The following KCNQ3 variants were observed in gnomAD, a reference collection of about 807,000 sequenced individuals.
KCNQ3 encodes the protein potassium voltage-gated channel subfamily Q member 3.
In KCNQ3, 30 loss-of-function variants were observed where a neutral mutation model predicts 92.5. The observed-to-expected ratio is 0.32, with a 90% CI of 0.24 to 0.44. KCNQ3 has a LOEUF of 0.44. Ranked by LOEUF, KCNQ3 falls within the 20% of genes least tolerant of loss-of-function variation. The pLI is 1.00. For missense variants in KCNQ3, 913 were observed against 1,140.3 expected, an observed-to-expected ratio of 0.80 and a Z score of 2.87; for synonymous variants, 450 against 468.8, an observed-to-expected ratio of 0.96 and a Z score of 0.52.
chr8:132,480,028 C>T, intron 1 of KCNQ3, 119 bp downstream of exon 1: 1 of 958,866 alleles, frequency 1.0e-6, no homozygotes, highest in Non-Finnish European at 1.6e-6. Flanking sequence ...GGCTGGTCTC[C>T]CCTTCAGCGG....
intron 1 of KCNQ3, among the ~76,000 whole-genome samples, chr8:132,386,136 T>C (rs993275420): frequency 2.0e-5 from 3 of 152,090 alleles, no homozygotes; most frequent in African/African-American, 7.2e-5. Flanking sequence ...AAGCATACTC[T>C]CCTGATTGGA....
At chr8:132,269,048 G>A (rs1446524606) in intron 1 of KCNQ3, among the ~76,000 whole-genome samples, 2 of 152,064 alleles carry the variant, frequency 1.3e-5, no homozygotes, top group African/African-American at 4.8e-5. Flanking sequence ...TCTTTGGTGA[G>A]GTGTCTATTA....
intron 8 of KCNQ3, among the ~76,000 whole-genome samples, chr8:132,167,378 T>C (rs1826173119): frequency 6.6e-6 from 1 of 152,210 alleles, no homozygotes; most frequent in Non-Finnish European, 1.5e-5. Flanking sequence ...TTTGTGAATA[T>C]ACTCAAAACC....
chr8:132,436,067 G>A (rs1363099480), intron 1 of KCNQ3, among the ~76,000 whole-genome samples: 1 of 152,126 alleles, frequency 6.6e-6, no homozygotes, highest in African/African-American at 2.4e-5. Flanking sequence ...TTCATTCCAG[G>A]AAAAGCATTA....
At chr8:132,138,128 G>A (rs1825167032) in intron 11 of KCNQ3, 112 bp from the exon 12 acceptor site, 1 of 1,289,240 alleles carries the variant, frequency 7.8e-7, no homozygotes, top group African/African-American at 1.5e-5. Flanking sequence ...AGATAAAAGA[G>A]CTTGCTGGAA....
In KCNQ3 at chr8:132,186,931, T is replaced by TGAGAGAGA. The variant is rs1420781543; in HGVS notation, c.387-751_387-750insTCTCTCTC. Among the ~76,000 whole-genome samples, 293 of 110,224 alleles carry TGAGAGAGA rather than the reference T, an allele frequency of 2.7e-3. 1 individual carries two copies. The highest frequency in any genetic ancestry group is 6.5e-3 in the African/African-American group (169 of 25,918). 72.3% of individuals were successfully genotyped at this position (110,224 alleles called of 152,430 possible). A position where few individuals can be genotyped will look rare whatever the true frequency, so the allele number is the denominator to read the frequency against. On this transcript the variant is annotated intron_variant, in intron 1 of 14. Transcript: ENST00000388996. ...GCGTGTGTGTGTGTGTGTGTGTGTGTGTGAGAGAGAGAGAGAGAGAGAGAC... is the reference window on the plus strand; with the variant it reads ...GCGTGTGTGTGTGTGTGTGTGTGTGTGAGAGAGAGTGAGAGAGAGAGAGAGAGAGAGAC...
intron 1 of KCNQ3, among the ~76,000 whole-genome samples, chr8:132,409,013 T>G (rs1440476142): frequency 1.3e-5 from 2 of 152,342 alleles, no homozygotes; most frequent in South Asian, 4.1e-4. Flanking sequence ...ACAGAACTTG[T>G]AAGATAATAA....
At chr8:132,331,917 G>C (rs1003139619) in intron 1 of KCNQ3, among the ~76,000 whole-genome samples, 3 of 152,244 alleles carry the variant, frequency 2.0e-5, no homozygotes, top group African/African-American at 7.2e-5. Context: ...ATGCCAGTCA[G>C]AAGTTCTGTG....
At chr8:132,274,420 A>T (rs1396153925) in intron 1 of KCNQ3, among the ~76,000 whole-genome samples, 1 of 152,180 alleles carries the variant, frequency 6.6e-6, no homozygotes, top group African/African-American at 2.4e-5. Context: ...ACACGTGGGA[A>T]TTGTGGGAGT....
At chr8:132,341,623 C>T (rs1563868754) in intron 1 of KCNQ3, among the ~76,000 whole-genome samples, 2 of 152,176 alleles carry the variant, frequency 1.3e-5, no homozygotes, top group Non-Finnish European at 1.5e-5. Context: ...ACAATGAAAA[C>T]ATGCACAACT....
intron 1 of KCNQ3, among the ~76,000 whole-genome samples, chr8:132,197,583 A>G (rs900715629): frequency 1.3e-5 from 2 of 152,212 alleles, no homozygotes; most frequent in African/African-American, 4.8e-5. Context: ...AAGCAAGAAG[A>G]GAGAAACAGT....
At chr8:132,179,292 TGGAAAA>T (rs1237137552) in intron 4 of KCNQ3, among the ~76,000 whole-genome samples, 2 of 151,962 alleles carry the variant, frequency 1.3e-5, no homozygotes, top group Non-Finnish European at 2.9e-5. Context: ...CGTGGGACTC[TGGAAAA>T]GGAATGGACT....
chr8:132,210,080 G>C (rs1354089572), intron 1 of KCNQ3, among the ~76,000 whole-genome samples: 2 of 152,206 alleles, frequency 1.3e-5, no homozygotes, highest in African/African-American at 4.8e-5. Context: ...TGCAAAGCTA[G>C]CTGTGAATTA....
chr8:132,235,366 G>A (rs1162332294), intron 1 of KCNQ3, among the ~76,000 whole-genome samples: 2 of 152,174 alleles, frequency 1.3e-5, no homozygotes, highest in African/African-American at 4.8e-5. Context: ...AGCTGGGCGT[G>A]GTGGCAGGTG....
rs143527485 is a variant in KCNQ3, at chr8:132,196,845, G to T, written c.387-10664C>A. 3.4e-3 allele frequency among the ~76,000 whole-genome samples: 518 copies of T among 152,208 alleles called. 3 individuals are homozygous for T. Among genetic ancestry groups the T allele is most frequent in the African/African-American group, 0.012 (500 of 41,518 alleles). On this transcript the variant is annotated intron_variant, in intron 1 of 14. Transcript: ENST00000388996. ...TCAGCTTTGCCACTTAGCACCTAAG[G>T]GATTGTTTCCTCATCTGTAAATAGG...
At chr8:132,259,433 C>A (rs1426067009) in intron 1 of KCNQ3, among the ~76,000 whole-genome samples, 1 of 152,066 alleles carries the variant, frequency 6.6e-6, no homozygotes, top group Non-Finnish European at 1.5e-5. Flanking sequence ...AGAAAAAGCA[C>A]TGACAAAACA....
At chr8:132,136,862 C>CTTTTTT (rs34845943) in intron 12 of KCNQ3, among the ~76,000 whole-genome samples, 1 of 123,366 alleles carries the variant, frequency 8.1e-6, no homozygotes, top group Non-Finnish European at 1.7e-5. Context: ...GGCTGCATAA[C>CTTTTTT]TTTTTTTTTT....
intron 1 of KCNQ3, among the ~76,000 whole-genome samples, chr8:132,394,090 C>T (rs1038274690): frequency 1.3e-5 from 2 of 152,174 alleles, no homozygotes; most frequent in African/African-American, 2.4e-5. Flanking sequence ...ACCAGGCTGC[C>T]GGCATTAGAA....
chr8:132,172,395 A>C (rs1826396927), intron 7 of KCNQ3, among the ~76,000 whole-genome samples: 1 of 108,568 alleles, frequency 9.2e-6, no homozygotes, highest in African/African-American at 4.3e-5. Flanking sequence ...TGGGCACATT[A>C]ATACACACAC....
Sources: gnomAD v4.1 joint callset for allele counts (sites outside exome capture counted in the v4.1 genomes callset) on GRCh38, gnomAD v4.1.1 for gene constraint, MANE v1.5 for transcripts, NCBI Gene and HGNC (gene_info 2026-07-23, HGNC 2026-07-21) for gene names.